The following FOXP2 variants were observed in gnomAD, a reference collection of about 807,000 sequenced individuals.
FOXP2 encodes forkhead box P2.
Under a neutral mutation model 115.8 loss-of-function variants are expected in FOXP2, and 12 were observed. That is an observed-to-expected ratio of 0.10 (90% CI 0.07 to 0.17). The LOEUF (loss-of-function observed/expected upper bound fraction) is 0.17. FOXP2 is among the 10% of genes least tolerant of loss of function. The pLI, the probability that FOXP2 is intolerant of heterozygous loss-of-function variation, is 1.00. For synonymous variants in FOXP2, 328 were observed against 297.7 expected (o/e 1.10, Z -1.05); for missense variants, 629 against 843.5 (o/e 0.75, Z 3.15).
intron 1 of FOXP2, among the ~76,000 whole-genome samples, chr7:114,271,889 A>G (rs1311939727): frequency 7.9e-6 from 1 of 126,912 alleles, no homozygotes; most frequent in Non-Finnish European, 1.6e-5. Context: ...TTAATTATAA[A>G]CATTAATATA....
At chr7:114,225,341 G>A (rs1233517366) in intron 1 of FOXP2, among the ~76,000 whole-genome samples, 2 of 151,418 alleles carry the variant, frequency 1.3e-5, no homozygotes, top group Non-Finnish European at 2.9e-5. Context: ...TTTTGAGTTA[G>A]GGAATATTAT....
At chr7:114,167,875 G>A (rs1302374948) in intron 1 of FOXP2, among the ~76,000 whole-genome samples, 2 of 149,426 alleles carry the variant, frequency 1.3e-5, no homozygotes, top group African/African-American at 4.9e-5. Context: ...GGCAGAGGTT[G>A]CAGTGAGCCG....
intron 1 of FOXP2, among the ~76,000 whole-genome samples, chr7:114,251,811 C>G (rs1795453185): frequency 6.6e-6 from 1 of 152,126 alleles, no homozygotes; most frequent in African/African-American, 2.4e-5. Context: ...GCCCTGGCCA[C>G]AACTTCCAAC....
chr7:114,504,995 G>T (rs960020392), intron 2 of FOXP2, among the ~76,000 whole-genome samples: 1 of 151,488 alleles, frequency 6.6e-6, no homozygotes, highest in Non-Finnish European at 1.5e-5. Context: ...TTACTGATTT[G>T]TTTTAACTAT....
At chr7:114,195,233 G>A (rs1202326141) in intron 1 of FOXP2, among the ~76,000 whole-genome samples, 1 of 152,150 alleles carries the variant, frequency 6.6e-6, no homozygotes, top group Non-Finnish European at 1.5e-5. Context: ...TAATTCTTGA[G>A]GGACATTGAA....
intron 1 of FOXP2, among the ~76,000 whole-genome samples, chr7:114,176,321 T>TCTCTCTCTCTCTCTCTCTCTC (rs57149493): frequency 7.1e-6 from 1 of 140,438 alleles, no homozygotes; most frequent in Non-Finnish European, 1.5e-5. Flanking sequence ...TCTCTCTCTC[T>TCTCTCTCTCTCTCTCTCTCTC]TTCTTTTTCT....
chr7:114,342,779 G>A (rs867150103), intron 2 of FOXP2, among the ~76,000 whole-genome samples: 1 of 151,314 alleles, frequency 6.6e-6, no homozygotes, highest in Admixed American at 6.6e-5. Context: ...TAAATTTTAG[G>A]GAGGTTAAAA....
intron 1 of FOXP2, among the ~76,000 whole-genome samples, chr7:114,279,547 G>A (rs936146057): frequency 6.6e-6 from 1 of 152,210 alleles, no homozygotes; most frequent in Middle Eastern, 3.4e-3. Flanking sequence ...GATGGATAGA[G>A]CATCTCTAGC....
At chr7:114,404,169 G>C (rs573330294) in intron 2 of FOXP2, among the ~76,000 whole-genome samples, 44 of 152,144 alleles carry the variant, frequency 2.9e-4, no homozygotes, top group South Asian at 2.3e-3. Context: ...GAGAGAAGGG[G>C]TGTCAATATC....
intron 2 of FOXP2, among the ~76,000 whole-genome samples, chr7:114,478,165 G>A (rs718378): frequency 0.025 from 3,857 of 151,900 alleles, 124 homozygotes; most frequent in African/African-American, 0.074. Context: ...TATTTTTATA[G>A]TAAAAGAGAC....
At chr7:114,327,506 CTT>C (rs1222751751) in intron 2 of FOXP2, among the ~76,000 whole-genome samples, 2 of 142,772 alleles carry the variant, frequency 1.4e-5, no homozygotes, top group Admixed American at 7.0e-5. Flanking sequence ...TTTGTGTTTT[CTT>C]TTTTTTTTTT....
At chr7:114,665,961 A>G (rs1456502396) in intron 16 of FOXP2, 1 of 152,084 alleles carries the variant, frequency 6.6e-6, no homozygotes, top group East Asian at 1.9e-4. Context: ...AAATTGTAGC[A>G]TTGTTAGATG....
intron 1 of FOXP2, among the ~76,000 whole-genome samples, chr7:114,422,128 T>C (rs970290199): frequency 6.6e-6 from 1 of 151,746 alleles, no homozygotes; most frequent in African/African-American, 2.4e-5. Context: ...TTTGATGCCT[T>C]ACTTTTCTTA....
chr7:114,101,935 G>A (rs1384446069), intron 1 of FOXP2, among the ~76,000 whole-genome samples: 1 of 147,320 alleles, frequency 6.8e-6, no homozygotes, highest in African/African-American at 2.6e-5. Flanking sequence ...GTGTGTGTGT[G>A]TGTGTCTAGA....
intron 1 of FOXP2, among the ~76,000 whole-genome samples, chr7:114,232,560 T>G (rs759400655): frequency 2.6e-5 from 4 of 152,144 alleles, no homozygotes; most frequent in Non-Finnish European, 5.9e-5. Flanking sequence ...ATGCCTGTAA[T>G]CCCAGCACTT....
intron 11 of FOXP2, among the ~76,000 whole-genome samples, chr7:114,658,958 T>G (rs1806730767): frequency 6.6e-6 from 1 of 152,132 alleles, no homozygotes; most frequent in Non-Finnish European, 1.5e-5. Flanking sequence ...GTTTTGTGTT[T>G]CCTTTGTTAG....
At chr7:114,385,393 G>T (rs1792420788) in intron 2 of FOXP2, among the ~76,000 whole-genome samples, 1 of 152,200 alleles carries the variant, frequency 6.6e-6, no homozygotes, top group Non-Finnish European at 1.5e-5. Flanking sequence ...GTATACTTCA[G>T]AAGGAAAGGT....
At chr7:114,305,220 T>C (rs958788803) in intron 2 of FOXP2, among the ~76,000 whole-genome samples, 2 of 152,110 alleles carry the variant, frequency 1.3e-5, no homozygotes, top group African/African-American at 2.4e-5. Flanking sequence ...GTTTCACAGA[T>C]CAATAGATTT....
intron 1 of FOXP2, among the ~76,000 whole-genome samples, chr7:114,263,504 T>G (rs998729210): frequency 2.6e-5 from 4 of 151,290 alleles, no homozygotes; most frequent in African/African-American, 9.7e-5. Flanking sequence ...CCCAGACTGG[T>G]GTTTAGTGCT....
Sources: allele counts gnomAD v4.1 joint callset (sites outside exome capture counted in the v4.1 genomes callset), GRCh38; gene constraint gnomAD v4.1.1; transcripts MANE v1.5; gene names NCBI Gene and HGNC (gene_info 2026-07-23, HGNC 2026-07-21).